The following PTAFR variants were observed in gnomAD, a reference collection of about 807,000 sequenced individuals.
The protein encoded by PTAFR is platelet activating factor receptor.
PTAFR carries 8 observed loss-of-function variants against 14.7 expected under a neutral mutation model. The ratio of observed to expected loss-of-function variants is 0.54; its 90% CI spans 0.32 to 0.98. PTAFR has a LOEUF of 0.98. Among genes scored for constraint, PTAFR ranks in the 50% least tolerant of loss-of-function variants. PTAFR has a pLI of 0.04. For synonymous variants in PTAFR, 156 were observed against 176.5 expected, an observed-to-expected ratio of 0.88 and a Z score of 0.92; for missense variants, 337 against 451.2, an observed-to-expected ratio of 0.75 and a Z score of 2.29.
chr1:28,156,733 A>G (rs1646267383), intron 1 of PTAFR, among the ~76,000 whole-genome samples: 1 of 152,186 alleles, frequency 6.6e-6, no homozygotes, highest in Non-Finnish European at 1.5e-5. Context: ...CCACAATCTC[A>G]GCACCCCTGC....
intron 1 of PTAFR, among the ~76,000 whole-genome samples, chr1:28,163,416 T>G (rs995227633): frequency 4.9e-4 from 74 of 152,224 alleles, no homozygotes; most frequent in Admixed American, 4.7e-3. Context: ...TGAGTGGCCA[T>G]GCCCTGATGA....
At position 28,150,037 on chromosome 1, in the gene PTAFR, C is replaced by A. The variant is rs920402422; in HGVS notation, c.985G>T (p.Val329Phe). Residue 329 changes from valine (V) to phenylalanine (F), a missense_variant, in exon 2 of 2, where the codon GTT (valine) becomes TTT (phenylalanine). Physicochemically the swap from Val to Phe is conservative, Grantham distance 50. Transcript: ENST00000373857. This position sits in a 1 kb window ranked among gnomAD's most constrained non-coding sequence, Gnocchi z 6.3. ...RATTDTVTEV[V>F]VPFNQIPGNS... Reference sequence around the variant, plus strand: ...CCAGGGATCTGGTTGAATGGCACAACCACTTCAGTGACCGTATCCGTGGTG... The same window carrying A: ...CCAGGGATCTGGTTGAATGGCACAAACACTTCAGTGACCGTATCCGTGGTG... The A allele has an allele frequency of 7.4e-6, 12 of 1,613,988 alleles. No individual in the cohort carries two copies. The highest frequency in any genetic ancestry group is 1.0e-5 in the Non-Finnish European group (12 of 1,179,986).
At chr1:28,171,854 C>T (rs969346496) in intron 1 of PTAFR, among the ~76,000 whole-genome samples, 3 of 152,210 alleles carry the variant, frequency 2.0e-5, no homozygotes, top group East Asian at 3.9e-4. Flanking sequence ...GGTCTCTCCT[C>T]CTGGCTCCCA....
intron 1 of PTAFR, among the ~76,000 whole-genome samples, chr1:28,186,205 G>A (rs1229685432): frequency 1.3e-5 from 2 of 151,884 alleles, no homozygotes; most frequent in African/African-American, 2.4e-5. Flanking sequence ...GGCTGGTCTC[G>A]AACTCCTGAC....
chr1:28,168,535 T>C (rs1557692175), intron 1 of PTAFR, among the ~76,000 whole-genome samples: 2 of 152,166 alleles, frequency 1.3e-5, no homozygotes, highest in African/African-American at 2.4e-5. Context: ...ATTCCACTTA[T>C]TATATGAGAC....
rs548249459 is a variant in PTAFR at position 28,186,834 on chromosome 1, A to G, written c.-39+6888T>C. Among the ~76,000 whole-genome samples the G allele has an allele frequency of 2.0e-5, 3 of 152,330 alleles. No individual in the cohort carries two copies. In the South Asian group the frequency reaches 6.2e-4, roughly 32 times the overall value. ...TTGCTTCTGCAGAGGCTGAGGCAGT[A>G]GGATCGCCTGAACCCGGGAGACAGA... On this transcript the variant is annotated intron_variant, in intron 1 of 1. Coordinates refer to the PTAFR transcript ENST00000305392.
At chr1:28,192,558 C>CAAAA (rs375926757) in intron 1 of PTAFR, among the ~76,000 whole-genome samples, 1 of 56,296 alleles carries the variant, frequency 1.8e-5, no homozygotes, top group Non-Finnish European at 4.2e-5. Flanking sequence ...AACTCCGTCT[C>CAAAA]AAAAAAAAAA....
intron 1 of PTAFR, among the ~76,000 whole-genome samples, chr1:28,154,803 C>A (rs1400300715): frequency 4.9e-5 from 5 of 101,420 alleles, no homozygotes; most frequent in African/African-American, 2.1e-4. Flanking sequence ...CAGAGCAAGA[C>A]TCTGTCTCAA....
chr1:28,187,241 C>A (rs2149008535), intron 1 of PTAFR, among the ~76,000 whole-genome samples: 1 of 152,258 alleles, frequency 6.6e-6, no homozygotes, highest in East Asian at 1.9e-4. Context: ...AAAACAGAGA[C>A]CCCCATAAAT....
At chr1:28,181,918 G>A (rs1350969704) in intron 1 of PTAFR, among the ~76,000 whole-genome samples, 5 of 151,960 alleles carry the variant, frequency 3.3e-5, no homozygotes, top group Admixed American at 6.6e-5. Context: ...AGACCAGCCT[G>A]GGCAACACAG....
intron 1 of PTAFR, among the ~76,000 whole-genome samples, chr1:28,157,415 C>A (rs1237307289): frequency 6.6e-6 from 1 of 152,106 alleles, no homozygotes; most frequent in Non-Finnish European, 1.5e-5. Flanking sequence ...GATCCGCCCG[C>A]CTCGGCCTCC....
intron 1 of PTAFR, among the ~76,000 whole-genome samples, chr1:28,155,720 T>C (rs1368400331): frequency 6.6e-6 from 1 of 150,876 alleles, no homozygotes; most frequent in Non-Finnish European, 1.5e-5. Context: ...AAATTTAAAT[T>C]AGCAAGGCAT....
At chr1:28,171,284 C>T (rs935805689) in intron 1 of PTAFR, among the ~76,000 whole-genome samples, 3 of 151,320 alleles carry the variant, frequency 2.0e-5, no homozygotes, top group African/African-American at 7.3e-5. Flanking sequence ...GATTGTGCCA[C>T]TGCACTCCAG....
intron 1 of PTAFR, among the ~76,000 whole-genome samples, chr1:28,166,583 A>G (rs757367126): frequency 1.3e-5 from 2 of 152,070 alleles, no homozygotes; most frequent in Non-Finnish European, 2.9e-5. Context: ...AGGCACGAGA[A>G]TCACTTGGAC....
At chr1:28,172,520 T>C (rs901557031) in intron 1 of PTAFR, among the ~76,000 whole-genome samples, 1 of 152,208 alleles carries the variant, frequency 6.6e-6, no homozygotes, top group Non-Finnish European at 1.5e-5. Context: ...CAGCCTCCTT[T>C]TCTTCATCTG....
At chr1:28,178,922 G>A (rs764141445), upstream of PTAFR, among the ~76,000 whole-genome samples, 1 of 152,048 alleles carries the variant, frequency 6.6e-6, no homozygotes, top group Non-Finnish European at 1.5e-5. Flanking sequence ...GGGAGACCAA[G>A]GCAGGAGGAT....
chr1:28,162,962 C>T (rs559767924), intron 1 of PTAFR, among the ~76,000 whole-genome samples: 2 of 152,236 alleles, frequency 1.3e-5, no homozygotes, highest in East Asian at 1.9e-4. Flanking sequence ...TAACATCTTC[C>T]GTGGCTCCCC....
At chr1:28,173,496 C>A (rs377061830) in intron 1 of PTAFR, among the ~76,000 whole-genome samples, 3 of 151,600 alleles carry the variant, frequency 2.0e-5, no homozygotes, top group African/African-American at 7.3e-5. Context: ...AACAAAAACA[C>A]AAAAATTAAT....
intron 1 of PTAFR, among the ~76,000 whole-genome samples, chr1:28,161,139 C>T (rs1629848): frequency 1.4e-4 from 21 of 152,198 alleles, no homozygotes; most frequent in Non-Finnish European, 2.5e-4. Flanking sequence ...GTAGCTCTTT[C>T]TAAGACTCCT....
Sources: allele counts gnomAD v4.1 joint callset (sites outside exome capture counted in the v4.1 genomes callset), GRCh38; gene constraint gnomAD v4.1.1; non-coding constraint Gnocchi (gnomAD v3.1); transcripts MANE v1.5; gene names NCBI Gene and HGNC (gene_info 2026-07-23, HGNC 2026-07-21).